PALD1: variants seen among roughly 807,000 people sequenced by gnomAD.
PALD1 encodes phosphatase domain containing paladin 1.
Under a neutral mutation model 96.0 loss-of-function variants are expected in PALD1, and 57 were observed. The observed-to-expected ratio is 0.59, with a 90% CI of 0.48 to 0.74. The LOEUF is 0.74. Among genes scored for constraint, PALD1 ranks in the 30% least tolerant of loss-of-function variants. The pLI is 0.00. For missense variants in PALD1, 1,063 were observed against 1,143.7 expected (o/e 0.93, Z 1.02); for synonymous variants, 464 against 473.6 (o/e 0.98, Z 0.26).
At position 70,561,881 on chromosome 10, in the gene PALD1, A is replaced by T. The variant is rs370176279; in HGVS notation, c.2263-2483A>T. Among the ~76,000 whole-genome samples the T allele has an allele frequency of 1.7e-3, 265 of 152,138 alleles. 3 individuals are homozygous for T. In the South Asian group the frequency reaches 0.027, roughly 16 times the overall value. Reference sequence around the variant, plus strand: ...CCTCTCTGTAGACCTCACCCACCCTAGATGTCCCCTCTTCCTTGAGCCTGC... The same window carrying T: ...CCTCTCTGTAGACCTCACCCACCCTTGATGTCCCCTCTTCCTTGAGCCTGC... On this transcript the variant is annotated intron_variant, in intron 18 of 19. Transcript: ENST00000263563.
At chr10:70,532,068 G>A (rs961669185) in intron 5 of PALD1, among the ~76,000 whole-genome samples, 2 of 152,048 alleles carry the variant, frequency 1.3e-5, no homozygotes, top group Non-Finnish European at 2.9e-5. Context: ...GCAGTTCAAC[G>A]CTTTGAGAGC....
rs1369615645 is a variant in PALD1, at chr10:70,531,997, A to G, written c.633+543A>G. ...AACTCTTTCTAAAAAAAAAAAAAGAAAAAGAAAAAGAAAGGGTTCTAGGTG... is the reference window on the plus strand; with the variant it reads ...AACTCTTTCTAAAAAAAAAAAAAGAGAAAGAAAAAGAAAGGGTTCTAGGTG... On this transcript the variant is annotated intron_variant, in intron 5 of 19. Transcript: ENST00000263563. 7.9e-5 allele frequency among the ~76,000 whole-genome samples: 12 copies of G among 151,972 alleles called. No homozygotes were observed. In the South Asian group the frequency reaches 2.1e-3, roughly 26 times the overall value.
At chr10:70,563,649 G>A (rs1037513000) in intron 18 of PALD1, among the ~76,000 whole-genome samples, 3 of 152,192 alleles carry the variant, frequency 2.0e-5, no homozygotes, top group African/African-American at 4.8e-5. Flanking sequence ...TGGGGGATCT[G>A]AGGGCTTTAT....
At chr10:70,548,398 A>C (rs939947946) in intron 18 of PALD1, among the ~76,000 whole-genome samples, 1 of 152,140 alleles carries the variant, frequency 6.6e-6, no homozygotes, top group Non-Finnish European at 1.5e-5. Context: ...CTGGGTCCCC[A>C]ATACTCCCTG....
At chr10:70,526,839 C>G (rs887205290) in intron 2 of PALD1, among the ~76,000 whole-genome samples, 10 of 152,202 alleles carry the variant, frequency 6.6e-5, no homozygotes, top group African/African-American at 2.4e-4. Context: ...CTCCCCTCCT[C>G]TGGGTCTTCC....
At chr10:70,462,336 G>T in the PALD1 span, among the ~76,000 whole-genome samples, 1 of 152,232 alleles carries the variant, frequency 6.6e-6, no homozygotes, top group Non-Finnish European at 1.5e-5. Context: ...AGGCTTAGGC[G>T]AGTTTCTTAA....
chr10:70,465,164 C>T, the PALD1 span, among the ~76,000 whole-genome samples: 17 of 150,980 alleles, frequency 1.1e-4, no homozygotes, highest in African/African-American at 3.4e-4. Flanking sequence ...TTAGTAAAGG[C>T]GGGGTTTCAC....
chr10:70,544,202 G>A lies in PALD1; in HGVS notation c.2121+2668G>A, dbSNP rs769513722. Among the ~76,000 whole-genome samples the A allele has an allele frequency of 5.6e-4, 86 of 152,292 alleles. 2 individuals are homozygous for A. Among genetic ancestry groups the A allele is most frequent in the South Asian group, 4.1e-4 (2 of 4,830 alleles). On this transcript the variant is annotated intron_variant, in intron 17 of 19. Coordinates refer to ENST00000263563, the MANE Select transcript of PALD1 (RefSeq NM_014431.3). ...TTCATAGAGGAGGCAGCATTTGAGT[G>A]CCTTTGGGGAAGATGAGTGAGTATC...
the PALD1 span, among the ~76,000 whole-genome samples, chr10:70,468,280 G>T: frequency 2.6e-5 from 4 of 152,058 alleles, no homozygotes; most frequent in Non-Finnish European, 2.9e-5. Flanking sequence ...TTTTGCTCTT[G>T]TCACCCAGGC....
At chr10:70,501,484 C>T (rs961342364) in intron 1 of PALD1, among the ~76,000 whole-genome samples, 3 of 152,164 alleles carry the variant, frequency 2.0e-5, no homozygotes, top group Admixed American at 6.5e-5. Context: ...GGCGTCTACG[C>T]AGCTCCTTCT....
chr10:70,561,502 G>T (rs560980887), intron 18 of PALD1, among the ~76,000 whole-genome samples: 21 of 152,294 alleles, frequency 1.4e-4, no homozygotes, highest in Admixed American at 7.8e-4. Flanking sequence ...GATAGGTGGG[G>T]TTGCGTTGTA....
the PALD1 span, among the ~76,000 whole-genome samples, chr10:70,470,595 AT>A: frequency 7.0e-6 from 1 of 143,838 alleles, no homozygotes; most frequent in Non-Finnish European, 1.5e-5. Context: ...TATATAATAA[AT>A]AATATTATTT....
At chr10:70,541,049 G>A (rs755458515) in intron 15 of PALD1, 53 bp from the exon 16 acceptor site, 2 of 1,532,462 alleles carry the variant, frequency 1.3e-6, no homozygotes, top group East Asian at 2.3e-5. Flanking sequence ...CCCTGTTGGG[G>A]TTTGTGCATC....
chr10:70,471,960 C>T, the PALD1 span, among the ~76,000 whole-genome samples: 1 of 152,316 alleles, frequency 6.6e-6, no homozygotes, highest in South Asian at 2.1e-4. Context: ...TTGGCTTCTT[C>T]ATGCCCGAAG....
chr10:70,544,656 A>G (rs971788576), intron 17 of PALD1, among the ~76,000 whole-genome samples: 3 of 151,960 alleles, frequency 2.0e-5, no homozygotes, highest in Admixed American at 6.5e-5. Flanking sequence ...AATTCAGGGG[A>G]GGAACAGCTG....
intron 1 of PALD1, among the ~76,000 whole-genome samples, chr10:70,493,083 C>A (rs1846126105): frequency 6.6e-6 from 1 of 152,156 alleles, no homozygotes; most frequent in Non-Finnish European, 1.5e-5. Context: ...CTGCCTGCCC[C>A]CCTACCTTGG....
intron 18 of PALD1, among the ~76,000 whole-genome samples, chr10:70,551,921 C>G (rs1378737188): frequency 6.6e-6 from 1 of 152,216 alleles, no homozygotes; most frequent in East Asian, 1.9e-4. Context: ...CTCCCAGAAT[C>G]CTGCCAACTC....
intron 5 of PALD1, among the ~76,000 whole-genome samples, chr10:70,532,069 C>G (rs1847004987): frequency 6.6e-6 from 1 of 152,162 alleles, no homozygotes; most frequent in Admixed American, 6.5e-5. Flanking sequence ...CAGTTCAACG[C>G]TTTGAGAGCC....
At chr10:70,472,884 T>G in the PALD1 span, among the ~76,000 whole-genome samples, 329 of 152,336 alleles carry the variant, frequency 2.2e-3, no homozygotes, top group African/African-American at 7.7e-3. Context: ...ACTCCTATTA[T>G]GAACTTCCTC....
Sources: gnomAD v4.1 joint callset for allele counts (sites outside exome capture counted in the v4.1 genomes callset) on GRCh38, gnomAD v4.1.1 for gene constraint, MANE v1.5 for transcripts, NCBI Gene and HGNC (gene_info 2026-07-23, HGNC 2026-07-21) for gene names.